Variants in RIN3 observed in about 807,000 individuals in gnomAD.
The protein encoded by RIN3 is Ras and Rab interactor 3.
Under a neutral mutation model 76.3 loss-of-function variants are expected in RIN3, and 54 were observed. The observed-to-expected ratio is 0.71, with a 90% CI of 0.57 to 0.89. The LOEUF (loss-of-function observed/expected upper bound fraction) is 0.89. Among genes scored for constraint, RIN3 ranks in the 40% least tolerant of loss-of-function variants. The probability of loss-of-function intolerance (pLI) is 0.00; values close to 1 mark genes in which losing one functional copy is unlikely to be tolerated. For missense variants in RIN3, 1,256 were observed against 1,322.1 expected (o/e 0.95, Z 0.78); for synonymous variants, 576 against 564.0 (o/e 1.02, Z -0.30).
At chr14:92,638,775 A>G (rs1402878050) in intron 4 of RIN3, among the ~76,000 whole-genome samples, 2 of 152,136 alleles carry the variant, frequency 1.3e-5, no homozygotes, top group Admixed American at 1.3e-4. Context: ...GAATCACACA[A>G]CAATGACAGA....
intron 7 of RIN3, among the ~76,000 whole-genome samples, chr14:92,666,265 C>T (rs566469023): frequency 8.5e-4 from 129 of 152,242 alleles, no homozygotes; most frequent in African/African-American, 3.0e-3. Context: ...TAAAATAGGG[C>T]GGGCCGCTAG....
At chr14:92,675,854 C>T (rs1566900500) in intron 7 of RIN3, among the ~76,000 whole-genome samples, 2 of 152,180 alleles carry the variant, frequency 1.3e-5, no homozygotes, top group Non-Finnish European at 1.5e-5. Flanking sequence ...CTCCATCTGC[C>T]ACGCAAAGTG....
intron 1 of RIN3, among the ~76,000 whole-genome samples, chr14:92,539,591 C>T (rs1485608556): frequency 6.6e-6 from 1 of 152,132 alleles, no homozygotes; most frequent in East Asian, 1.9e-4. Context: ...GGATTGGTAC[C>T]GTCACCTGTA....
chr14:92,586,212 G>A (rs1162513220), intron 3 of RIN3, among the ~76,000 whole-genome samples: 1 of 152,140 alleles, frequency 6.6e-6, no homozygotes, highest in African/African-American at 2.4e-5. Flanking sequence ...ATGAAATGGG[G>A]ACATTTATGG....
At chr14:92,682,733 C>T (rs1398704630) in intron 8 of RIN3, among the ~76,000 whole-genome samples, 1 of 152,228 alleles carries the variant, frequency 6.6e-6, no homozygotes, top group Non-Finnish European at 1.5e-5. Context: ...AGTCTCCTGC[C>T]TCTACCCAAG....
intron 1 of RIN3, among the ~76,000 whole-genome samples, chr14:92,529,146 A>G (rs1199284256): frequency 6.6e-6 from 1 of 152,212 alleles, no homozygotes; most frequent in Non-Finnish European, 1.5e-5. Context: ...ATACCAGCCT[A>G]ACAAAGGGAT....
At chr14:92,525,174 C>A (rs1409994982) in intron 1 of RIN3, among the ~76,000 whole-genome samples, 1 of 152,142 alleles carries the variant, frequency 6.6e-6, no homozygotes, top group Non-Finnish European at 1.5e-5. Flanking sequence ...CCATGGGCAG[C>A]AAGGAGCACC....
chr14:92,683,175 AAAG>A (rs762875626), intron 8 of RIN3, among the ~76,000 whole-genome samples: 27 of 152,216 alleles, frequency 1.8e-4, no homozygotes, highest in Non-Finnish European at 3.2e-4. Context: ...CTAAAAAAAA[AAAG>A]AAGAAAAAAA....
rs180856315 is a variant in RIN3 at position 92,608,833 on chromosome 14, C to A, written c.368-6574C>A. On this transcript the variant is annotated intron_variant, in intron 3 of 9. Coordinates refer to ENST00000216487, the MANE Select transcript of RIN3 (RefSeq NM_024832.5). ...TACAGGTGTGAGCCACCGTGCCCAGCCTCTCTCTCTTAGCATTTTTAAGTT... is the reference window on the plus strand; with the variant it reads ...TACAGGTGTGAGCCACCGTGCCCAGACTCTCTCTCTTAGCATTTTTAAGTT... Among the ~76,000 whole-genome samples the A allele has an allele frequency of 8.0e-4, 122 of 152,100 alleles. 1 individual carries two copies. Among genetic ancestry groups the A allele is most frequent in the African/African-American group, 2.9e-3 (122 of 41,500 alleles).
At chr14:92,541,705 TTTCATGATC>T (rs1225402831) in intron 1 of RIN3, among the ~76,000 whole-genome samples, 3 of 152,116 alleles carry the variant, frequency 2.0e-5, no homozygotes, top group African/African-American at 7.2e-5. Context: ...ATGGGCAAAT[TTTCATGATC>T]TAAGACTAGG....
intron 7 of RIN3, among the ~76,000 whole-genome samples, chr14:92,673,839 T>C (rs996284409): frequency 3.3e-5 from 5 of 152,194 alleles, no homozygotes; most frequent in Non-Finnish European, 5.9e-5. Context: ...CTGTTGTCTG[T>C]TTTATGATCC....
At position 92,547,130 on chromosome 14, in the gene RIN3, ATAAAG is replaced by A. The variant is rs1305988668; in HGVS notation, c.45-8616_45-8612del. On this transcript the variant is annotated intron_variant, in intron 1 of 9. Coordinates refer to ENST00000216487, the MANE Select transcript of RIN3 (RefSeq NM_024832.5). ...AAATTATCTTTATTTTATTATTATT[ATAAAG>A]TAAATTATCTTTATTTTATTATTAT... Among the ~76,000 whole-genome samples the A allele has an allele frequency of 5.0e-5, 4 of 79,246 alleles. 1 individual carries two copies. The highest frequency in any genetic ancestry group is 8.0e-5 in the Non-Finnish European group (3 of 37,360). 52.0% of individuals were successfully genotyped at this position (79,246 alleles called of 152,430 possible).
intron 9 of RIN3, chr14:92,686,216 G>A (rs994673503): frequency 4.6e-5 from 7 of 152,290 alleles, no homozygotes; most frequent in African/African-American, 1.7e-4. Flanking sequence ...TGGGAGACAG[G>A]AGGCTTGAGT....
rs142981173 is a variant in RIN3, at chr14:92,594,676, G to C, written c.367+17199G>C. Among the ~76,000 whole-genome samples, 6 of 152,356 alleles carry C rather than the reference G, an allele frequency of 3.9e-5. No homozygotes were observed. The East Asian group carries it at 1.2e-3, about 29-fold the overall frequency. Reference sequence around the variant, plus strand: ...GGATGCAGTGAAAACAGTGCTTAGAGGAAAATTCATAGCATTGAATGCATA... The same window carrying C: ...GGATGCAGTGAAAACAGTGCTTAGACGAAAATTCATAGCATTGAATGCATA... On this transcript the variant is annotated intron_variant, in intron 3 of 9. Transcript: ENST00000216487.
intron 7 of RIN3, among the ~76,000 whole-genome samples, chr14:92,670,727 C>CA (rs1888261390): frequency 6.6e-6 from 1 of 152,206 alleles, no homozygotes; most frequent in Non-Finnish European, 1.5e-5. Flanking sequence ...TCAATTTCCT[C>CA]ACAGTGTGGT....
chr14:92,593,150 TA>T (rs564574832), intron 3 of RIN3, among the ~76,000 whole-genome samples: 4 of 151,508 alleles, frequency 2.6e-5, no homozygotes, highest in African/African-American at 9.7e-5. Flanking sequence ...GGACAACCAC[TA>T]AAAAAAATAA....
At chr14:92,659,028 G>T in intron 6 of RIN3, 133 bp from the exon 7 acceptor site, 1 of 813,026 alleles carries the variant, frequency 1.2e-6, no homozygotes, top group South Asian at 1.6e-5. Context: ...GAACCACAGG[G>T]TATAACTGCT....
intron 7 of RIN3, among the ~76,000 whole-genome samples, chr14:92,665,183 A>G (rs1233681160): frequency 3.9e-5 from 6 of 152,182 alleles, no homozygotes; most frequent in African/African-American, 1.2e-4. Flanking sequence ...GCATGTGACT[A>G]TACTGAAAAC....
At position 92,604,234 on chromosome 14, in the gene RIN3, C is replaced by G. The variant is rs565692812; in HGVS notation, c.368-11173C>G. Among the ~76,000 whole-genome samples, 144 of 152,378 alleles carry G rather than the reference C, an allele frequency of 9.5e-4. 1 individual carries two copies. The highest frequency in any genetic ancestry group is 3.4e-3 in the African/African-American group (143 of 41,592). On this transcript the variant is annotated intron_variant, in intron 3 of 9. Transcript: ENST00000216487. ...CCCATGGGGCCCTGCAGGCGCCCCC[C>G]CTCCCACTCCCCAGCTGGGAACCAG...
Sources: gnomAD v4.1 joint callset for allele counts (sites outside exome capture counted in the v4.1 genomes callset) on GRCh38, gnomAD v4.1.1 for gene constraint, MANE v1.5 for transcripts, NCBI Gene and HGNC (gene_info 2026-07-23, HGNC 2026-07-21) for gene names.